Variants in REDIC1 observed in about 807,000 individuals in gnomAD.
The protein encoded by REDIC1 is HEI10 Interacting Protein 1.
the REDIC1 span, among the ~76,000 whole-genome samples, chr12:39,833,959 C>T: frequency 6.6e-6 from 1 of 151,278 alleles, no homozygotes; most frequent in Non-Finnish European, 1.5e-5. Context: ...GACCCTCAGT[C>T]TATAGGGTTC....
the REDIC1 span, among the ~76,000 whole-genome samples, chr12:39,628,545 C>T: frequency 1.3e-5 from 2 of 152,130 alleles, no homozygotes; most frequent in Non-Finnish European, 2.9e-5. Flanking sequence ...CTGTTAGGAA[C>T]TTAAAATATA....
At chr12:39,684,118 C>T in the REDIC1 span, 2 of 993,260 alleles carry the variant, frequency 2.0e-6, no homozygotes, top group Non-Finnish European at 2.4e-6. Flanking sequence ...TCTCTTCTTG[C>T]AGCTGGTGTA....
the REDIC1 span, chr12:39,754,888 GAAATAAAAT>G: frequency 6.6e-6 from 1 of 151,822 alleles, no homozygotes; most frequent in Non-Finnish European, 1.5e-5. Context: ...ATAATCAAAA[GAAATAAAAT>G]ATCATTAAAA....
At chr12:39,784,080 A>C in the REDIC1 span, among the ~76,000 whole-genome samples, 1 of 152,264 alleles carries the variant, frequency 6.6e-6, no homozygotes, top group African/African-American at 2.4e-5. Flanking sequence ...AAAAGAGGAC[A>C]CAAACAAATG....
the REDIC1 span, among the ~76,000 whole-genome samples, chr12:39,873,671 C>T: frequency 2.0e-5 from 3 of 152,052 alleles, no homozygotes; most frequent in Non-Finnish European, 4.4e-5. Flanking sequence ...TATTTTGATG[C>T]TTTCATTTTC....
the REDIC1 span, among the ~76,000 whole-genome samples, chr12:39,782,576 T>C: frequency 6.6e-6 from 1 of 152,072 alleles, no homozygotes; most frequent in South Asian, 2.1e-4. Flanking sequence ...ATCAGCAGCA[T>C]GAAAATGGAC....
chr12:39,666,645 C>A, the REDIC1 span, among the ~76,000 whole-genome samples: 1 of 152,106 alleles, frequency 6.6e-6, no homozygotes, highest in Non-Finnish European at 1.5e-5. Flanking sequence ...GAAATGGTAC[C>A]AGCTCCTCCT....
chr12:39,898,766 C>A, the REDIC1 span, among the ~76,000 whole-genome samples: 1 of 152,124 alleles, frequency 6.6e-6, no homozygotes, highest in Non-Finnish European at 1.5e-5. Context: ...ACACTACTTA[C>A]ATCTCTCTCA....
At chr12:39,896,600 G>A in the REDIC1 span, among the ~76,000 whole-genome samples, 1 of 150,996 alleles carries the variant, frequency 6.6e-6, no homozygotes, top group Admixed American at 6.6e-5. Flanking sequence ...ATACATATAT[G>A]TATGTATATG....
the REDIC1 span, among the ~76,000 whole-genome samples, chr12:39,749,417 G>T: frequency 6.6e-6 from 1 of 152,176 alleles, no homozygotes; most frequent in Non-Finnish European, 1.5e-5. Context: ...CTGAAATTGA[G>T]GCAATAATTA....
the REDIC1 span, chr12:39,835,605 T>A: frequency 6.6e-6 from 1 of 152,136 alleles, no homozygotes; most frequent in Non-Finnish European, 1.5e-5. Context: ...ATGGCCCTCA[T>A]TGTAACATAC....
chr12:39,841,549 T>C, the REDIC1 span, among the ~76,000 whole-genome samples: 1 of 152,094 alleles, frequency 6.6e-6, no homozygotes, highest in Non-Finnish European at 1.5e-5. Context: ...TGTATATAAA[T>C]GTATATCTAT....
At chr12:39,745,314 T>C in the REDIC1 span, among the ~76,000 whole-genome samples, 3 of 152,174 alleles carry the variant, frequency 2.0e-5, no homozygotes, top group African/African-American at 7.2e-5. Flanking sequence ...TTACTAAAAT[T>C]TTCCATTATA....
At chr12:39,707,407 A>G in the REDIC1 span, among the ~76,000 whole-genome samples, 3 of 151,986 alleles carry the variant, frequency 2.0e-5, no homozygotes, top group South Asian at 6.2e-4. Flanking sequence ...TACACTACCA[A>G]TGGTAACATA....
the REDIC1 span, among the ~76,000 whole-genome samples, chr12:39,664,232 C>G: frequency 5.0e-5 from 7 of 139,728 alleles, no homozygotes; most frequent in East Asian, 2.3e-4. Flanking sequence ...ACCCTCCCCC[C>G]ACCCCACAAC....
the REDIC1 span, chr12:39,721,398 A>T: frequency 3.1e-6 from 2 of 644,442 alleles, no homozygotes; most frequent in South Asian, 2.1e-5. Flanking sequence ...TTCACGGTTC[A>T]TGTTAAAACA....
the REDIC1 span, chr12:39,683,392 G>A: frequency 1.8e-5 from 27 of 1,507,132 alleles, no homozygotes; most frequent in East Asian, 9.0e-5. Flanking sequence ...TTTTTAACTC[G>A]GTGCATACTT....
the REDIC1 span, among the ~76,000 whole-genome samples, chr12:39,749,263 A>C: frequency 6.6e-6 from 1 of 152,212 alleles, no homozygotes. Context: ...ACAGAAATAC[A>C]AACTACCATC....
the REDIC1 span, among the ~76,000 whole-genome samples, chr12:39,896,522 A>ATGTATGTATGCATGTG: frequency 7.3e-6 from 1 of 136,762 alleles, no homozygotes; most frequent in Admixed American, 8.6e-5. Flanking sequence ...GTGTGTATAC[A>ATGTATGTATGCATGTG]TGTATACATG....
Sources: allele counts gnomAD v4.1 joint callset (sites outside exome capture counted in the v4.1 genomes callset), GRCh38; gene constraint gnomAD v4.1.1; transcripts MANE v1.5; gene names NCBI Gene and HGNC (gene_info 2026-07-23, HGNC 2026-07-21).